Variants in AGTPBP1 observed in about 807,000 individuals in gnomAD.
AGTPBP1 encodes cytosolic carboxypeptidase 1.
In AGTPBP1, 70 loss-of-function variants were observed where a neutral mutation model predicts 143.9. The ratio of observed to expected loss-of-function variants is 0.49; its 90% confidence interval spans 0.40 to 0.59. AGTPBP1 has a LOEUF of 0.59. Among genes scored for constraint, AGTPBP1 ranks in the 20% least tolerant of loss-of-function variants. The pLI is 0.00. For synonymous variants in AGTPBP1, 463 were observed against 500.2 expected (o/e 0.93, Z 0.99); for missense variants, 1,229 against 1,464.5 (o/e 0.84, Z 2.62).
chr9:85,689,925 AAT>A (rs1554726691), intron 3 of AGTPBP1, among the ~76,000 whole-genome samples: 2,523 of 72,448 alleles, frequency 0.035, 95 homozygotes, highest in East Asian at 0.049. Context: ...AAAAAAAAAA[AAT>A]ATATATATAT....
the AGTPBP1 span, among the ~76,000 whole-genome samples, chr9:85,752,895 G>A: frequency 2.6e-5 from 4 of 152,122 alleles, no homozygotes; most frequent in African/African-American, 9.7e-5. Context: ...CACATCTGTA[G>A]TCCTAGCTAC....
chr9:85,580,917 T>C (rs576855149), intron 23 of AGTPBP1, among the ~76,000 whole-genome samples: 1 of 152,152 alleles, frequency 6.6e-6, no homozygotes, highest in African/African-American at 2.4e-5. Context: ...TTAAAAAACA[T>C]TAAAAGACAA....
chr9:85,559,503 G>GT (rs1240242730), intron 25 of AGTPBP1, among the ~76,000 whole-genome samples: 2 of 151,426 alleles, frequency 1.3e-5, no homozygotes, highest in African/African-American at 4.9e-5. Context: ...TCAAGAGGAG[G>GT]TAACGATGAG....
chr9:85,561,833 AT>A (rs763799341), intron 25 of AGTPBP1, among the ~76,000 whole-genome samples: 167 of 139,958 alleles, frequency 1.2e-3, no homozygotes, highest in African/African-American at 1.6e-3. Flanking sequence ...TAAAAGTACA[AT>A]TTTTTTTTTT....
chr9:85,573,107 C>T (rs943530229), intron 25 of AGTPBP1, among the ~76,000 whole-genome samples: 3 of 152,042 alleles, frequency 2.0e-5, no homozygotes, highest in African/African-American at 7.2e-5. Flanking sequence ...TCCCCTTCCC[C>T]ACGGTCTCCC....
chr9:85,748,997 CTTT>C, the AGTPBP1 span, among the ~76,000 whole-genome samples: 10 of 95,460 alleles, frequency 1.0e-4, 1 homozygote, highest in East Asian at 1.2e-3. Flanking sequence ...ATCTAGTGCA[CTTT>C]TTTTTTTTTT....
At chr9:85,789,004 A>G in the AGTPBP1 span, among the ~76,000 whole-genome samples, 3 of 152,102 alleles carry the variant, frequency 2.0e-5, no homozygotes, top group South Asian at 4.1e-4. Context: ...ATTAACACAT[A>G]CTTGTTTTAC....
chr9:85,672,393 T>C (rs1834541403), intron 7 of AGTPBP1, among the ~76,000 whole-genome samples, 157 bp downstream of exon 7: 1 of 152,156 alleles, frequency 6.6e-6, no homozygotes, highest in African/African-American at 2.4e-5. Flanking sequence ...CCCACATCAC[T>C]TTTGTTGTGG....
intron 15 of AGTPBP1, among the ~76,000 whole-genome samples, chr9:85,620,624 A>G (rs1830872836): frequency 6.6e-6 from 1 of 152,110 alleles, no homozygotes; most frequent in Non-Finnish European, 1.5e-5. Flanking sequence ...TAAATCCTAA[A>G]ATGTGATGAT....
chr9:85,777,865 G>A, the AGTPBP1 span, among the ~76,000 whole-genome samples: 1 of 152,182 alleles, frequency 6.6e-6, no homozygotes, highest in African/African-American at 2.4e-5. Flanking sequence ...TGCACTGTTC[G>A]AAGTTCTGCC....
upstream of AGTPBP1, among the ~76,000 whole-genome samples, chr9:85,742,870 T>G (rs62570658): frequency 0.015 from 2,229 of 152,316 alleles, 24 homozygotes; most frequent in Middle Eastern, 0.037. Flanking sequence ...ATATCACAAC[T>G]AGATAAGGGA....
At chr9:85,634,215 AAGG>A (rs1353182828) in intron 13 of AGTPBP1, among the ~76,000 whole-genome samples, 1 of 150,566 alleles carries the variant, frequency 6.6e-6, no homozygotes, top group African/African-American at 2.5e-5. Context: ...AAAAAAAAAA[AAGG>A]AGGACAGGAC....
chr9:85,749,136 A>G, the AGTPBP1 span, among the ~76,000 whole-genome samples: 35 of 151,438 alleles, frequency 2.3e-4, no homozygotes, highest in Non-Finnish European at 4.4e-4. Flanking sequence ...CTAGGACTGC[A>G]GGCACATGCC....
intron 1 of AGTPBP1, among the ~76,000 whole-genome samples, chr9:85,734,962 G>A (rs939927545): frequency 2.0e-5 from 3 of 152,116 alleles, no homozygotes; most frequent in African/African-American, 7.2e-5. Flanking sequence ...CTTGAACCCA[G>A]AGGCAAAGGT....
intron 3 of AGTPBP1, among the ~76,000 whole-genome samples, chr9:85,690,803 T>A (rs546093516): frequency 5.3e-5 from 8 of 151,592 alleles, no homozygotes; most frequent in Non-Finnish European, 7.4e-5. Context: ...TCAGGAGTAT[T>A]TTCAGTGGTG....
intron 1 of AGTPBP1, among the ~76,000 whole-genome samples, chr9:85,714,201 A>T (rs1231152368): frequency 6.6e-6 from 1 of 152,226 alleles, no homozygotes; most frequent in East Asian, 1.9e-4. Flanking sequence ...AAAAGTAAAG[A>T]AATAAAGTTG....
In AGTPBP1 at chr9:85,632,176, G is replaced by A. The variant is rs145492649; in HGVS notation, c.2015+486C>T. On this transcript the variant is annotated intron_variant, in intron 14 of 25. Transcript: ENST00000357081. ...TAATAATCACTTCAGGGTAAAAGGGGTATCCCTCACTTCAAGCATTTATCC... is the reference window on the plus strand; with the variant it reads ...TAATAATCACTTCAGGGTAAAAGGGATATCCCTCACTTCAAGCATTTATCC... 4.8e-3 allele frequency among the ~76,000 whole-genome samples: 732 copies of A among 152,030 alleles called. 4 individuals are homozygous for A. Among genetic ancestry groups the A allele is most frequent in the Admixed American group, 8.1e-3 (124 of 15,254 alleles).
At chr9:85,777,346 T>C in the AGTPBP1 span, among the ~76,000 whole-genome samples, 1 of 152,152 alleles carries the variant, frequency 6.6e-6, no homozygotes, top group African/African-American at 2.4e-5. Context: ...ATAATCAACC[T>C]GCCACCAGGT....
At chr9:85,710,699 CAAA>C (rs368952660) in intron 2 of AGTPBP1, among the ~76,000 whole-genome samples, 1 of 146,488 alleles carries the variant, frequency 6.8e-6, no homozygotes, top group African/African-American at 2.5e-5. Context: ...ACAACAACAA[CAAA>C]AAAAACAAAT....
Sources: allele counts gnomAD v4.1 joint callset (sites outside exome capture counted in the v4.1 genomes callset), GRCh38; gene constraint gnomAD v4.1.1; transcripts MANE v1.5; gene names NCBI Gene and HGNC (gene_info 2026-07-23, HGNC 2026-07-21).